The following LAMP2 variants were observed in gnomAD, a reference collection of about 807,000 sequenced individuals.
The protein encoded by LAMP2 is lysosome-associated membrane glycoprotein 2.
In LAMP2, 4 loss-of-function variants were observed where a neutral mutation model predicts 25.6. The observed-to-expected ratio is 0.16, with a 90% confidence interval of 0.08 to 0.36. The LOEUF is 0.36. Among genes scored for constraint, LAMP2 ranks in the 10% least tolerant of loss-of-function variants. The probability of loss-of-function intolerance (pLI) is 1.00; values close to 1 mark genes in which losing one functional copy is unlikely to be tolerated. For synonymous variants in LAMP2, 108 were observed against 112.7 expected, an observed-to-expected ratio of 0.96 and a Z score of 0.27; for missense variants, 272 against 301.4, an observed-to-expected ratio of 0.90 and a Z score of 0.72.
chrX:120,432,620 CGAG>C (rs1186873183), intron 8 of LAMP2, among the ~76,000 whole-genome samples: 1 of 111,041 alleles, frequency 9.0e-6, no homozygotes, highest in Non-Finnish European at 1.9e-5. Flanking sequence ...AGGGGGTGTA[CGAG>C]GAGGAGATAA....
chrX:120,464,749 TTTTTG>T (rs1176662588), intron 1 of LAMP2, among the ~76,000 whole-genome samples: 5 of 111,576 alleles, frequency 4.5e-5, no homozygotes, highest in African/African-American at 1.6e-4. Context: ...CTTCATAGTG[TTTTTG>T]TTTTGTTTTG....
chrX:120,462,539 T>C (rs1174472403), intron 1 of LAMP2, among the ~76,000 whole-genome samples: 1 of 81,915 alleles, frequency 1.2e-5, no homozygotes, highest in Non-Finnish European at 2.5e-5. Flanking sequence ...AAAAAAAACC[T>C]CTCACAGAGA....
intron 8 of LAMP2, among the ~76,000 whole-genome samples, chrX:120,433,011 C>T (rs757507617): frequency 9.0e-6 from 1 of 110,566 alleles, no homozygotes; most frequent in African/African-American, 3.3e-5. Flanking sequence ...AAGAACATTT[C>T]TCAGTAAGGG....
chrX:120,461,176 G>T (rs1283927352), intron 1 of LAMP2, among the ~76,000 whole-genome samples: 1 of 111,543 alleles, frequency 9.0e-6, no homozygotes, highest in Non-Finnish European at 1.9e-5. Context: ...ATTCTTTTCT[G>T]CTTAAAATCA....
chrX:120,457,281 G>A (rs1921136958), intron 1 of LAMP2, among the ~76,000 whole-genome samples: 1 of 111,391 alleles, frequency 9.0e-6, no homozygotes, highest in African/African-American at 3.3e-5. Flanking sequence ...TGATAGATCC[G>A]ATATTCTACC....
At chrX:120,465,361 T>A (rs984606665) in intron 1 of LAMP2, among the ~76,000 whole-genome samples, 2 of 110,293 alleles carry the variant, frequency 1.8e-5, no homozygotes, top group Non-Finnish European at 3.8e-5. Flanking sequence ...AAGCTAGTTA[T>A]AAGAATCAAT....
intron 5 of LAMP2, 55 bp downstream of exon 5, chrX:120,447,786 C>T: frequency 9.9e-7 from 1 of 1,011,636 alleles, no homozygotes. Flanking sequence ...GTAGGATACG[C>T]AATATTTGAA....
chrX:120,432,814 G>T (rs1046915312), intron 8 of LAMP2, among the ~76,000 whole-genome samples: 3 of 110,617 alleles, frequency 2.7e-5, no homozygotes, highest in African/African-American at 9.9e-5. Flanking sequence ...TGTGTCCTTA[G>T]TTGAGCATGG....
chrX:120,442,865 G>A, intron 6 of LAMP2, among the ~76,000 whole-genome samples: 1 of 111,757 alleles, frequency 8.9e-6, no homozygotes, highest in Non-Finnish European at 1.9e-5. Context: ...TCCAACTTTT[G>A]GAGCACAGGT....
chrX:120,456,397 C>T (rs886506441), intron 2 of LAMP2, among the ~76,000 whole-genome samples: 23 of 111,097 alleles, frequency 2.1e-4, no homozygotes, highest in Middle Eastern at 9.3e-3. Context: ...TAGACCTGAA[C>T]ACCATATAGT....
In LAMP2 at chrX:120,441,751, T is replaced by C. The variant is rs1185408747; in HGVS notation, c.1072A>G (p.Thr358Ala). 1 of 1,207,041 alleles carries C rather than the reference T, an allele frequency of 8.3e-7. No individual in the cohort carries two copies. ...FDLRVQPFNVTQGKYSTAQDC... is the reference protein window; with the variant it reads ...FDLRVQPFNVAQGKYSTAQDC... ...TTACCTGTAGAATACTTTCCTTGTG[T>C]CACATTGAAAGGCTGAACCCTTAGA... The change falls in exon 8 of 9, where the codon ACA (threonine) becomes GCA (alanine). Residue 358 changes from threonine (T) to alanine (A), a missense_variant. Coordinates refer to ENST00000200639, the MANE Select transcript of LAMP2 (RefSeq NM_002294.3).
chrX:120,454,051 C>T (rs993704471), intron 3 of LAMP2, among the ~76,000 whole-genome samples: 3 of 110,751 alleles, frequency 2.7e-5, no homozygotes, highest in Non-Finnish European at 5.7e-5. Flanking sequence ...ATGGAGAATT[C>T]CAAAAGTAAT....
chrX:120,469,021 C>A, intron 1 of LAMP2, 85 bp downstream of exon 1: 1 of 1,050,732 alleles, frequency 9.5e-7, no homozygotes, highest in South Asian at 1.9e-5. Context: ...CCCCCTCCCC[C>A]TCGGACCAGT....
Position 120,465,023 on chromosome X carries a change from G to A in LAMP2, c.64+4083C>T, listed in dbSNP as rs188723838. 2.1e-4 allele frequency among the ~76,000 whole-genome samples: 23 copies of A among 111,708 alleles called. No homozygotes were observed. The East Asian group carries it at 4.5e-3, about 22-fold the overall frequency. On this transcript the variant is annotated intron_variant, in intron 1 of 8. Transcript: ENST00000200639. ...CTCCCAAAGTGCTGGGATTACAGGC[G>A]TGAGCCACCATGCCCGGCCTCTTCA...
At chrX:120,454,678 A>G (rs1381999360) in intron 3 of LAMP2, among the ~76,000 whole-genome samples, 1 of 109,870 alleles carries the variant, frequency 9.1e-6, no homozygotes, top group African/African-American at 3.3e-5. Context: ...AATGAAATCA[A>G]TAATAGTTAA....
At position 120,429,950 on chromosome X, in the gene LAMP2, C is replaced by A; in HGVS notation, c.*1373G>T. Reference sequence around the variant, plus strand: ...AACTTTTCCTCCTCTTGTACTTTTACCATTCATAAAAATGTTGCTACGGTT... The same window carrying A: ...AACTTTTCCTCCTCTTGTACTTTTAACATTCATAAAAATGTTGCTACGGTT... On this transcript the variant is annotated 3_prime_UTR_variant, in exon 9 of 9. Transcript: ENST00000200639. The A allele has an allele frequency of 1.3e-6, 1 of 753,465 alleles. No individual in the cohort carries two copies. The highest frequency in any genetic ancestry group is 6.7e-5 in the South Asian group (1 of 14,869). 62.1% of individuals were successfully genotyped at this position (753,465 alleles called of 1,213,427 possible).
chrX:120,437,803 A>T, intron 8 of LAMP2: 2 of 752,071 alleles, frequency 2.7e-6, no homozygotes, highest in Non-Finnish European at 3.1e-6. Context: ...TTAATGGATT[A>T]AGATAAAACC....
At chrX:120,462,519 CAAAA>C (rs199797977) in intron 1 of LAMP2, among the ~76,000 whole-genome samples, 1 of 61,601 alleles carries the variant, frequency 1.6e-5, no homozygotes, top group African/African-American at 6.3e-5. Context: ...AAGACCCTGT[CAAAA>C]AAAAAAAAAA....
rs1455569835 is a variant in LAMP2 at position 120,428,503 on chromosome X, G to A, written c.*2820C>T. ...AACTGATTACACAGACTGATAACCAGTACGACTTTTCCTTCTTCCAATCAT... is the reference window on the plus strand; with the variant it reads ...AACTGATTACACAGACTGATAACCAATACGACTTTTCCTTCTTCCAATCAT... On this transcript the variant is annotated 3_prime_UTR_variant, in exon 9 of 9. Transcript: ENST00000200639. 8.4e-7 allele frequency: 1 copy of A among 1,193,365 alleles called. No individual in the cohort carries two copies. Among genetic ancestry groups the A allele is most frequent in the Non-Finnish European group, 1.1e-6 (1 of 886,978 alleles).
Sources: allele counts gnomAD v4.1 joint callset (sites outside exome capture counted in the v4.1 genomes callset), GRCh38; gene constraint gnomAD v4.1.1; transcripts MANE v1.5; gene names NCBI Gene and HGNC (gene_info 2026-07-23, HGNC 2026-07-21).